MYO1D: variants seen among roughly 807,000 people sequenced by gnomAD.
The protein encoded by MYO1D is unconventional myosin-Id.
A neutral mutation model predicts 122.0 loss-of-function variants in MYO1D; 83 were observed. That is an observed-to-expected ratio of 0.68 (90% confidence interval 0.57 to 0.82). The LOEUF (loss-of-function observed/expected upper bound fraction) is 0.82. MYO1D is among the 40% of genes least tolerant of loss of function. The probability of loss-of-function intolerance (pLI) is 0.00; values close to 1 mark genes in which losing one functional copy is unlikely to be tolerated. For synonymous variants in MYO1D, 464 were observed against 446.9 expected (o/e 1.04, Z -0.48); for missense variants, 1,157 against 1,269.5 (o/e 0.91, Z 1.35).
chr17:32,770,302 TTTTA>T (rs1266494222), intron 6 of MYO1D, among the ~76,000 whole-genome samples: 1 of 152,180 alleles, frequency 6.6e-6, no homozygotes, highest in Non-Finnish European at 1.5e-5. Context: ...TTACAGTTTC[TTTTA>T]TTTCTCCCCC....
chr17:32,514,553 T>C (rs1909819951), intron 21 of MYO1D, among the ~76,000 whole-genome samples: 1 of 152,240 alleles, frequency 6.6e-6, no homozygotes, highest in African/African-American at 2.4e-5. Context: ...GAAAGTCTAA[T>C]CCTTGCTTTG....
rs181938526 is a variant in MYO1D, at chr17:32,817,740, G to A, written c.96-36956C>T. Among the ~76,000 whole-genome samples, 21 of 152,244 alleles carry A rather than the reference G, an allele frequency of 1.4e-4. No homozygotes were observed. The East Asian group carries it at 2.7e-3, about 20-fold the overall frequency. Reference sequence around the variant, plus strand: ...CCAGGCACTGAGCTAAGTGGTTTACGTGCATTATCACATTTAATCTTCACA... The same window carrying A: ...CCAGGCACTGAGCTAAGTGGTTTACATGCATTATCACATTTAATCTTCACA... On this transcript the variant is annotated intron_variant, in intron 1 of 21. Coordinates refer to ENST00000318217, the MANE Select transcript of MYO1D (RefSeq NM_015194.3).
In MYO1D at chr17:32,761,727, TC is replaced by T; in HGVS notation, c.1036-1101del. Among the ~76,000 whole-genome samples the T allele has an allele frequency of 2.0e-5, 3 of 152,248 alleles. 1 individual carries two copies. The Middle Eastern group carries it at 0.01, about 518-fold the overall frequency. On this transcript the variant is annotated intron_variant, in intron 8 of 21. Coordinates refer to ENST00000318217, the MANE Select transcript of MYO1D (RefSeq NM_015194.3). ...AGCTCCTGACTCAAGAGCTTGACTG[TC>T]TACCTGACACTGACTCTTCAATGGC...
At chr17:32,695,372 T>C (rs2150976872) in intron 16 of MYO1D, among the ~76,000 whole-genome samples, 1 of 152,346 alleles carries the variant, frequency 6.6e-6, no homozygotes, top group Non-Finnish European at 1.5e-5. Context: ...TGCGGCCTGG[T>C]TCCTAACAGG....
At chr17:32,763,587 T>C (rs577282203) in intron 8 of MYO1D, among the ~76,000 whole-genome samples, 18 of 152,228 alleles carry the variant, frequency 1.2e-4, no homozygotes, top group Non-Finnish European at 2.1e-4. Flanking sequence ...AACAATAAAA[T>C]ATTACCATGC....
At chr17:32,615,256 G>C (rs1329737113) in intron 20 of MYO1D, among the ~76,000 whole-genome samples, 1 of 152,190 alleles carries the variant, frequency 6.6e-6, no homozygotes, top group East Asian at 1.9e-4. Flanking sequence ...ATCATGGCAG[G>C]CCTTCAAGAG....
chr17:32,787,626 C>T (rs2090311357), intron 1 of MYO1D, among the ~76,000 whole-genome samples: 1 of 152,120 alleles, frequency 6.6e-6, no homozygotes, highest in African/African-American at 2.4e-5. Context: ...ACTATGTTGG[C>T]CAGGATGGTC....
At chr17:32,554,661 G>C (rs917540155) in intron 21 of MYO1D, among the ~76,000 whole-genome samples, 2 of 152,100 alleles carry the variant, frequency 1.3e-5, no homozygotes, top group Non-Finnish European at 2.9e-5. Context: ...GAAAGTATCT[G>C]CAAGTAGTGT....
At chr17:32,594,562 G>T in intron 21 of MYO1D, 2 of 667,124 alleles carry the variant, frequency 3.0e-6, no homozygotes, top group African/African-American at 1.8e-5. Flanking sequence ...ATAAGCAGAT[G>T]GTTTCTGTAA....
chr17:32,601,268 T>A (rs975971383), intron 21 of MYO1D, among the ~76,000 whole-genome samples: 4 of 152,098 alleles, frequency 2.6e-5, no homozygotes, highest in Non-Finnish European at 4.4e-5. Flanking sequence ...CTGAGAGATG[T>A]GTAACTCTCC....
intron 1 of MYO1D, among the ~76,000 whole-genome samples, chr17:32,800,022 C>A (rs1039081188): frequency 1.3e-5 from 2 of 151,816 alleles, no homozygotes; most frequent in Non-Finnish European, 2.9e-5. Flanking sequence ...TGGCTATTAT[C>A]AAAAAAATGA....
At chr17:32,597,031 G>A (rs965308699) in intron 21 of MYO1D, among the ~76,000 whole-genome samples, 9 of 152,160 alleles carry the variant, frequency 5.9e-5, no homozygotes, top group African/African-American at 2.2e-4. Context: ...TATACAACAA[G>A]ACCATACAGA....
intron 21 of MYO1D, among the ~76,000 whole-genome samples, chr17:32,592,144 TCTG>T (rs1209217169): frequency 9.9e-5 from 15 of 152,224 alleles, no homozygotes; most frequent in African/African-American, 3.6e-4. Flanking sequence ...AGAGAGCCAC[TCTG>T]CTATGTACAA....
chr17:32,632,580 TATATATACAC>T (rs1281566243), intron 20 of MYO1D: 45 of 94,418 alleles, frequency 4.8e-4, no homozygotes, highest in African/African-American at 2.7e-3. Flanking sequence ...TATATATATA[TATATATACAC>T]ACACACACAC....
chr17:32,805,255 C>A (rs1280772219), intron 1 of MYO1D, among the ~76,000 whole-genome samples: 2 of 152,136 alleles, frequency 1.3e-5, no homozygotes, highest in Non-Finnish European at 2.9e-5. Context: ...ATTTCTGTTG[C>A]TTATAAGTTG....
At chr17:32,734,505 A>AG (rs2089674633) in intron 14 of MYO1D, among the ~76,000 whole-genome samples, 1 of 152,062 alleles carries the variant, frequency 6.6e-6, no homozygotes, top group Admixed American at 6.5e-5. Context: ...TGGCTTCTTA[A>AG]GTTGTGCTTA....
Position 32,494,708 on chromosome 17 carries a change from G to C in MYO1D, c.*51C>G, listed in dbSNP as rs112431604. ...GGTTGGGAGGCAGCAGCTGGACTGG[G>C]ACCCAGGACTCGGAGTGTGGCCGGG... is the stretch of plus-strand genomic sequence containing the variant. On this transcript the variant is annotated 3_prime_UTR_variant, in exon 22 of 22. Coordinates refer to ENST00000318217, the MANE Select transcript of MYO1D (RefSeq NM_015194.3). 1.4e-5 allele frequency: 22 copies of C among 1,527,398 alleles called. No individual in the cohort carries two copies. The highest frequency in any genetic ancestry group is 1.2e-4 in the African/African-American group (9 of 73,194). 94.6% of individuals were successfully genotyped at this position (1,527,398 alleles called of 1,614,324 possible). A position where few individuals can be genotyped will look rare whatever the true frequency, so the allele number is the denominator to read the frequency against.
chr17:32,537,685 C>T (rs1419950272), intron 21 of MYO1D, among the ~76,000 whole-genome samples: 4 of 152,090 alleles, frequency 2.6e-5, no homozygotes, highest in Non-Finnish European at 4.4e-5. Context: ...GCATAGCGGT[C>T]CATAGAGAGA....
Position 32,605,159 on chromosome 17 carries a change from A to G in MYO1D, c.2792T>C (p.Leu931Pro). The G allele has an allele frequency of 6.2e-7, 1 of 1,610,758 alleles. No individual in the cohort carries two copies. Among genetic ancestry groups the G allele is most frequent in the Non-Finnish European group, 8.5e-7 (1 of 1,177,432 alleles). ...CTCATGGGTTGGCTGTTTGCTGAAG[A>G]GGCAGACAATGAGGTCTTTGTTGTC... ...TKDNKDLIVC[L>P]FSKQPTHESR... Residue 931 changes from leucine (L) to proline (P), a missense_variant, in exon 21 of 22, where the codon CTC becomes CCC. Transcript: ENST00000318217.
Sources: allele counts gnomAD v4.1 joint callset (sites outside exome capture counted in the v4.1 genomes callset), GRCh38; gene constraint gnomAD v4.1.1; transcripts MANE v1.5; gene names NCBI Gene and HGNC (gene_info 2026-07-23, HGNC 2026-07-21).